CHRM5: variants seen among roughly 807,000 people sequenced by gnomAD.
The protein encoded by CHRM5 is muscarinic acetylcholine receptor M5.
In CHRM5, 18 loss-of-function variants were observed where a neutral mutation model predicts 39.0. The ratio of observed to expected loss-of-function variants is 0.46; its 90% CI spans 0.32 to 0.68. The LOEUF is 0.68. Ranked by LOEUF, CHRM5 falls within the 30% of genes least tolerant of loss-of-function variation. The probability of loss-of-function intolerance (pLI) is 0.04; values close to 1 mark genes in which losing one functional copy is unlikely to be tolerated. For missense variants in CHRM5, 515 were observed against 651.1 expected, an observed-to-expected ratio of 0.79 and a Z score of 2.28; for synonymous variants, 241 against 246.3, an observed-to-expected ratio of 0.98 and a Z score of 0.20.
intron 1 of CHRM5, among the ~76,000 whole-genome samples, chr15:33,973,054 G>T (rs1194226387): frequency 1.3e-5 from 2 of 152,170 alleles, no homozygotes; most frequent in African/African-American, 4.8e-5. Flanking sequence ...GTTGTTTAAA[G>T]ATCTGACATT....
rs1201476939 is a variant in CHRM5, at chr15:34,038,917, C to G, written c.-407-7623C>G. On this transcript the variant is annotated intron_variant, in intron 1 of 2. Coordinates refer to ENST00000383263, the MANE Select transcript of CHRM5 (RefSeq NM_012125.4). ...CCCCGGCGTCCGCCTCCGTCCCCGC[C>G]GCCGCCTCCGCCGCCGCCTCTGGCT... The G allele has an allele frequency of 2.1e-5, 15 of 714,450 alleles. No homozygotes were observed. In the East Asian group the frequency reaches 9.2e-4, roughly 44 times the overall value. The allele number at this position is 714,450 out of a possible 1,614,324, so 44.3% of individuals were successfully genotyped here.
intron 1 of CHRM5, among the ~76,000 whole-genome samples, chr15:34,031,713 G>C (rs1175369995): frequency 6.6e-6 from 1 of 152,158 alleles, no homozygotes; most frequent in Non-Finnish European, 1.5e-5. Flanking sequence ...ATCCTTGGCA[G>C]TGTTGTTCTT....
chr15:34,026,848 G>A (rs976913882), intron 1 of CHRM5, among the ~76,000 whole-genome samples: 1 of 152,128 alleles, frequency 6.6e-6, no homozygotes, highest in Admixed American at 6.5e-5. Context: ...AGAGAGTTCT[G>A]TGCTTTGGCT....
In CHRM5 at chr15:34,063,497, C is replaced by T; in HGVS notation, c.780C>T (p.Thr260=). The change falls in exon 3 of 3, where the codon ACC becomes ACT. Residue 260 remains threonine (T), a synonymous_variant. Transcript: ENST00000383263. This position sits in a 1 kb window ranked among gnomAD's most constrained non-coding sequence, Gnocchi z 4.1. The part of the protein sequence containing the change: ...FRSCLRCPRP[T]LAQRERNQAS... ...CCTGCTTGCGCTGTCCTCGACCCAC[C>T]CTGGCCCAGCGGGAAAGGAACCAGG... The T allele has an allele frequency of 6.2e-7, 1 of 1,613,820 alleles. No homozygotes were observed. The highest frequency in any genetic ancestry group is 8.5e-7 in the Non-Finnish European group (1 of 1,180,030).
rs142296771 is a variant in CHRM5 at position 34,047,874 on chromosome 15, G to A, written c.-76+1003G>A. Among the ~76,000 whole-genome samples the A allele has an allele frequency of 1.8e-3, 279 of 152,112 alleles. 1 individual carries two copies. Among genetic ancestry groups the A allele is most frequent in the Admixed American group, 5.6e-3 (86 of 15,278 alleles). The stretch of plus-strand genomic sequence containing the variant: ...AGTAATCCTCCCACCTCAGCCTCCC[G>A]CACCCTGTTTCCCAGGATGAGGGGC... On this transcript the variant is annotated intron_variant, in intron 2 of 2. Coordinates refer to ENST00000383263, the MANE Select transcript of CHRM5 (RefSeq NM_012125.4).
chr15:33,996,887 G>C (rs970831832), intron 1 of CHRM5, among the ~76,000 whole-genome samples: 3 of 152,190 alleles, frequency 2.0e-5, no homozygotes, highest in Non-Finnish European at 4.4e-5. Context: ...GGCTTCGGAA[G>C]GCTGGTAATA....
At chr15:34,049,562 G>A (rs915134460) in intron 2 of CHRM5, among the ~76,000 whole-genome samples, 9 of 152,262 alleles carry the variant, frequency 5.9e-5, no homozygotes, top group East Asian at 1.9e-4. Flanking sequence ...GACTGATTGG[G>A]GTACCTGAAA....
chr15:34,010,289 C>A (rs140846776), intron 1 of CHRM5, among the ~76,000 whole-genome samples: 3 of 152,004 alleles, frequency 2.0e-5, no homozygotes, highest in African/African-American at 7.2e-5. Context: ...ATTTGGACAA[C>A]CTTATTCATT....
At chr15:34,059,644 C>G (rs1900271903) in intron 2 of CHRM5, among the ~76,000 whole-genome samples, 1 of 152,176 alleles carries the variant, frequency 6.6e-6, no homozygotes, top group Non-Finnish European at 1.5e-5. Flanking sequence ...TCTTTTGCCT[C>G]TGGGCTTACA....
chr15:34,025,061 T>C (rs892808628), intron 1 of CHRM5, among the ~76,000 whole-genome samples: 2 of 151,582 alleles, frequency 1.3e-5, no homozygotes, highest in Non-Finnish European at 1.5e-5. Flanking sequence ...ATCCAGCTAC[T>C]TGGGAGGCTG....
chr15:33,981,916 C>A (rs911478771), intron 1 of CHRM5, among the ~76,000 whole-genome samples: 2 of 152,094 alleles, frequency 1.3e-5, no homozygotes, highest in African/African-American at 4.8e-5. Context: ...CTCACTCCAA[C>A]CTCAGCTCAC....
intron 1 of CHRM5, among the ~76,000 whole-genome samples, chr15:34,024,764 G>A (rs541079369): frequency 1.1e-4 from 17 of 151,936 alleles, no homozygotes; most frequent in African/African-American, 4.1e-4. Flanking sequence ...AGGAGGCTGA[G>A]GCAGGAGAAT....
At chr15:34,003,301 C>T in intron 1 of CHRM5, 2 of 993,806 alleles carry the variant, frequency 2.0e-6, no homozygotes, top group East Asian at 2.5e-5. Context: ...ATGGACATAA[C>T]AATAAAAAGC....
chr15:34,042,396 G>GT (rs35456951), intron 1 of CHRM5, among the ~76,000 whole-genome samples: 3,823 of 130,330 alleles, frequency 0.029, 199 homozygotes, highest in Admixed American at 0.083. Flanking sequence ...CATGACCTAA[G>GT]TTTTTTTTTT....
chr15:34,051,762 A>G (rs1273820595), intron 2 of CHRM5, among the ~76,000 whole-genome samples: 6 of 152,152 alleles, frequency 3.9e-5, no homozygotes, highest in Admixed American at 3.9e-4. Context: ...AATCCTGAAC[A>G]CATACACCCT....
At position 34,063,279 on chromosome 15, in the gene CHRM5, C is replaced by G; in HGVS notation, c.562C>G (p.Leu188Val). 2 of 1,614,196 alleles carry G rather than the reference C, an allele frequency of 1.2e-6. No individual in the cohort carries two copies. The highest frequency in any genetic ancestry group is 1.7e-6 in the Non-Finnish European group (2 of 1,180,042). Residue 188 changes from leucine to valine, a missense_variant, in exon 3 of 3, where the codon CTC (leucine) becomes GTC (valine). By Grantham distance (32) the Leu-to-Val change is conservative. Transcript: ENST00000383263. The surrounding 1 kb of genome is among the most constrained non-coding windows in gnomAD (Gnocchi z 4.1). ...VPLDECQIQFLSEPTITFGTA... is the reference protein window; with the variant it reads ...VPLDECQIQFVSEPTITFGTA... ...ACTGGATGAGTGCCAGATCCAGTTTCTCTCTGAGCCCACCATCACTTTTGG... is the reference window on the plus strand; with the variant it reads ...ACTGGATGAGTGCCAGATCCAGTTTGTCTCTGAGCCCACCATCACTTTTGG...
At chr15:33,990,781 G>A (rs511422) in intron 1 of CHRM5, 72,910 of 152,036 alleles carry the variant, frequency 0.48, 21,115 homozygotes, top group Non-Finnish European at 0.65. Context: ...TTAATTTGCC[G>A]TAAGACGAAT....
chr15:33,972,619 AAAAT>A (rs1249927797), intron 1 of CHRM5: 1 of 152,264 alleles, frequency 6.6e-6, no homozygotes, highest in African/African-American at 2.4e-5. Context: ...ATATTTGTAA[AAAAT>A]AAATAAAAAT....
chr15:34,061,090 T>C (rs1357126723), intron 2 of CHRM5, among the ~76,000 whole-genome samples: 1 of 151,958 alleles, frequency 6.6e-6, no homozygotes, highest in Non-Finnish European at 1.5e-5. Context: ...TTATATATCA[T>C]CAAATTTATG....
Sources: gnomAD v4.1 joint callset for allele counts (sites outside exome capture counted in the v4.1 genomes callset) on GRCh38, gnomAD v4.1.1 for gene constraint, Gnocchi (gnomAD v3.1) non-coding constraint, MANE v1.5 for transcripts, NCBI Gene and HGNC (gene_info 2026-07-23, HGNC 2026-07-21) for gene names.